KIAA1614: variants seen among roughly 807,000 people sequenced by gnomAD.
The protein encoded by KIAA1614 is uncharacterized protein KIAA1614.
In KIAA1614, 76 loss-of-function variants were observed where a neutral mutation model predicts 88.7. The ratio of observed to expected loss-of-function variants is 0.86; its 90% confidence interval spans 0.71 to 1.04. The LOEUF (loss-of-function observed/expected upper bound fraction) is 1.04, where lower values mean the gene tolerates loss of function less well. Ranked by LOEUF, KIAA1614 falls within the 50% of genes least tolerant of loss-of-function variation. The pLI, the probability that KIAA1614 is intolerant of heterozygous loss-of-function variation, is 0.00. For synonymous variants in KIAA1614, 714 were observed against 675.5 expected (o/e 1.06, Z -0.88); for missense variants, 1,553 against 1,582.5 (o/e 0.98, Z 0.32).
At chr1:180,943,112 G>C (rs938672654) in intron 7 of KIAA1614, among the ~76,000 whole-genome samples, 4 of 150,538 alleles carry the variant, frequency 2.7e-5, no homozygotes, top group African/African-American at 9.8e-5. Flanking sequence ...CTGCAACCTC[G>C]ACCTCCCAGG....
chr1:180,923,502 G>C (rs919893231), intron 3 of KIAA1614, among the ~76,000 whole-genome samples: 2 of 152,186 alleles, frequency 1.3e-5, no homozygotes, highest in African/African-American at 4.8e-5. Flanking sequence ...TGGCCACTGG[G>C]TGTGATCCAG....
chr1:180,914,856 A>G (rs1370360095), intron 1 of KIAA1614, among the ~76,000 whole-genome samples: 1 of 152,126 alleles, frequency 6.6e-6, no homozygotes, highest in Non-Finnish European at 1.5e-5. Flanking sequence ...ACCTTGCCTC[A>G]GCCTCCTGAG....
intron 7 of KIAA1614, chr1:180,944,180 A>G (rs1476764984): frequency 2.5e-6 from 1 of 399,088 alleles, no homozygotes; most frequent in Non-Finnish European, 4.5e-6. Flanking sequence ...AAGCAAAACA[A>G]AAACTCCCTT....
chr1:180,945,392 T>C lies in KIAA1614; in HGVS notation c.3377T>C (p.Val1126Ala). 1 of 1,600,464 alleles carries C rather than the reference T, an allele frequency of 6.2e-7. No homozygotes were observed. Among genetic ancestry groups the C allele is most frequent in the Non-Finnish European group, 8.5e-7 (1 of 1,175,564 alleles). Residue 1126 changes from valine to alanine, a missense_variant, in exon 9 of 9, where the codon GTG becomes GCG. Val to Ala is a moderately conservative substitution (Grantham distance 64). Coordinates refer to ENST00000367588, the MANE Select transcript of KIAA1614 (RefSeq NM_020950.2). The part of the protein sequence containing the change: ...LARTVGRLVE[V>A]FPDGTSQLQL... ...CGCACCGTGGGCCGCCTGGTGGAGG[T>C]GTTCCCAGACGGCACCAGCCAGCTG...
At chr1:180,942,260 A>C (rs1654485456) in intron 7 of KIAA1614, among the ~76,000 whole-genome samples, 1 of 152,220 alleles carries the variant, frequency 6.6e-6, no homozygotes, top group Non-Finnish European at 1.5e-5. Flanking sequence ...CTGAGTGGTG[A>C]GTGGGTGGGA....
At chr1:180,923,877 C>T (rs934881895) in intron 3 of KIAA1614, among the ~76,000 whole-genome samples, 3 of 152,012 alleles carry the variant, frequency 2.0e-5, no homozygotes, top group Non-Finnish European at 4.4e-5. Flanking sequence ...TGAGCCCCTG[C>T]CTGTCCTTAC....
intron 1 of KIAA1614, 123 bp from the exon 2 acceptor site, chr1:180,916,031 G>C (rs1380096630): frequency 1.7e-6 from 1 of 584,834 alleles, no homozygotes; most frequent in Non-Finnish European, 2.9e-6. Context: ...AGCATCCCCT[G>C]CTCTGTCTCC....
intron 3 of KIAA1614, among the ~76,000 whole-genome samples, chr1:180,922,165 T>C (rs1467974968): frequency 6.6e-6 from 1 of 152,226 alleles, no homozygotes; most frequent in East Asian, 1.9e-4. Flanking sequence ...ACCTTCTCTG[T>C]ATGTGTGATT....
intron 6 of KIAA1614, among the ~76,000 whole-genome samples, chr1:180,939,430 AAC>A (rs1654407126): frequency 6.6e-6 from 1 of 152,160 alleles, no homozygotes; most frequent in South Asian, 2.1e-4. Context: ...CTTCCCGGCA[AAC>A]ACATCACTGT....
rs775214015 is a variant in KIAA1614 at position 180,945,588 on chromosome 1, A to G, written c.3573A>G (p.Ter1191TrpextTer57). Residue 1191 changes from the stop codon to tryptophan (W), a stop_lost, in exon 9 of 9, where the codon TGA (stop) becomes TGG (tryptophan). Transcript: ENST00000367588. ...CAGAGGCTTTTCTGGTCTTTGGCTG[A>G]GCCGTGCAGCTCTGGGAATTCAGAA... Reference protein sequence around the residue: ...LWSEAFLVFG* With the variant: ...LWSEAFLVFGW The G allele has an allele frequency of 1.9e-6, 3 of 1,608,466 alleles. No homozygotes were observed. The East Asian group carries it at 6.7e-5, about 36-fold the overall frequency.
chr1:180,924,754 T>C (rs1654030746), intron 3 of KIAA1614, among the ~76,000 whole-genome samples: 1 of 152,104 alleles, frequency 6.6e-6, no homozygotes, highest in Admixed American at 6.5e-5. Flanking sequence ...TGTTTGTCAT[T>C]TCAAACATGC....
In KIAA1614 at chr1:180,935,250, G is replaced by T; in HGVS notation, c.1341G>T (p.Pro447=). 6 of 1,526,504 alleles carry T rather than the reference G, an allele frequency of 3.9e-6. No homozygotes were observed. Among genetic ancestry groups the T allele is most frequent in the Non-Finnish European group, 5.3e-6 (6 of 1,140,214 alleles). 94.6% of individuals were successfully genotyped at this position (1,526,504 alleles called of 1,614,324 possible). A position where few individuals can be genotyped will look rare whatever the true frequency, so the allele number is the denominator to read the frequency against. The change falls in exon 5 of 9, where the codon CCG becomes CCT. Residue 447 remains proline (P), a synonymous_variant. Transcript: ENST00000367588. The surrounding 1 kb of genome is among the most constrained non-coding windows in gnomAD (Gnocchi z 6.1). The stretch of plus-strand genomic sequence containing the variant: ...ACAGGCCGAGGCGGGGCCCCTCGCC[G>T]TCGCACGTGCGCTTTGAGGATGAGT... The part of the protein sequence containing the change: ...GGHRPRRGPS[P]SHVRFEDESA...
intron 6 of KIAA1614, among the ~76,000 whole-genome samples, chr1:180,939,417 C>G (rs1654406676): frequency 6.6e-6 from 1 of 152,196 alleles, no homozygotes; most frequent in South Asian, 2.1e-4. Context: ...TCGCCCATGT[C>G]CCCTTCCCGG....
chr1:180,920,550 T>G (rs897842268), intron 3 of KIAA1614, among the ~76,000 whole-genome samples: 4 of 152,220 alleles, frequency 2.6e-5, no homozygotes, highest in Non-Finnish European at 5.9e-5. Context: ...AAGGTGCTGC[T>G]TCACATTCAG....
intron 1 of KIAA1614, 28 bp downstream of exon 1, chr1:180,913,321 C>T (rs1240630105): frequency 1.6e-6 from 2 of 1,237,044 alleles, no homozygotes; most frequent in Middle Eastern, 3.1e-4. Flanking sequence ...AGCGCCGGGC[C>T]GGCCGGGCGG....
At position 180,945,446 on chromosome 1, in the gene KIAA1614, T is replaced by C. The variant is rs1654571122; in HGVS notation, c.3431T>C (p.Phe1144Ser). The C allele has an allele frequency of 6.2e-7, 1 of 1,612,306 alleles. No homozygotes were observed. The highest frequency in any genetic ancestry group is 8.5e-7 in the Non-Finnish European group (1 of 1,179,598). The change falls in exon 9 of 9, where the codon TTC (phenylalanine) becomes TCC (serine). Residue 1144 changes from phenylalanine (F) to serine (S), a missense_variant. Transcript: ENST00000367588. ...LQLQRSPGGT[F>S]GFCVASGNGR... Reference sequence around the variant, plus strand: ...CTGCAGCGCTCCCCAGGGGGCACTTTCGGCTTCTGCGTGGCCTCTGGGAAT... The same window carrying C: ...CTGCAGCGCTCCCCAGGGGGCACTTCCGGCTTCTGCGTGGCCTCTGGGAAT...
intron 4 of KIAA1614, among the ~76,000 whole-genome samples, chr1:180,929,143 C>T (rs551959533): frequency 6.6e-6 from 1 of 152,338 alleles, no homozygotes; most frequent in South Asian, 2.1e-4. Context: ...CCTCAGTTTC[C>T]TCACCCACAA....
At chr1:180,913,436 C>A in intron 1 of KIAA1614, 143 bp downstream of exon 1, 1 of 429,988 alleles carries the variant, frequency 2.3e-6, no homozygotes, top group East Asian at 3.7e-5. Context: ...TGGGGAGGCC[C>A]GCCCTTCACG....
In KIAA1614 at chr1:180,947,874, C is replaced by G. The variant is rs373319180; in HGVS notation, c.*2286C>G. The G allele has an allele frequency of 6.6e-6, 1 of 152,284 alleles. No individual in the cohort carries two copies. The highest frequency in any genetic ancestry group is 1.9e-4 in the East Asian group (1 of 5,182). 9.4% of individuals were successfully genotyped at this position (152,284 alleles called of 1,614,324 possible). ...TCCCTCCCCTTCAGAAAGAGAAAGT[C>G]TGGGGAAGAGAACCCCAGACAGGGA... On this transcript the variant is annotated 3_prime_UTR_variant, in exon 9 of 9. Transcript: ENST00000367588.
Sources: gnomAD v4.1 joint callset for allele counts (sites outside exome capture counted in the v4.1 genomes callset) on GRCh38, gnomAD v4.1.1 for gene constraint, Gnocchi (gnomAD v3.1) non-coding constraint, MANE v1.5 for transcripts, NCBI Gene and HGNC (gene_info 2026-07-23, HGNC 2026-07-21) for gene names.